B3GALT1: variants seen among roughly 807,000 people sequenced by gnomAD.
B3GALT1 encodes beta-1,3-galactosyltransferase 1.
Under a neutral mutation model 23.2 loss-of-function variants are expected in B3GALT1, and 10 were observed. The ratio of observed to expected loss-of-function variants is 0.43; its 90% CI spans 0.27 to 0.73. The LOEUF is 0.73. Among genes scored for constraint, B3GALT1 ranks in the 30% least tolerant of loss-of-function variants. B3GALT1 has a pLI of 0.21. For missense variants in B3GALT1, 299 were observed against 405.4 expected (o/e 0.74, Z 2.25); for synonymous variants, 156 against 141.5 (o/e 1.10, Z -0.73).
intron 3 of B3GALT1, among the ~76,000 whole-genome samples, chr2:167,671,850 G>GT (rs903011223): frequency 1.3e-5 from 2 of 151,980 alleles, no homozygotes; most frequent in African/African-American, 2.4e-5. Context: ...CTAAAAGTTG[G>GT]TTTTTTGAAA....
intron 1 of B3GALT1, among the ~76,000 whole-genome samples, chr2:167,422,194 TTCTCTCTCTCTG>T (rs1698557869): frequency 6.6e-6 from 1 of 151,294 alleles, no homozygotes; most frequent in South Asian, 2.1e-4. Context: ...TAAGAGAGCA[TTCTCTCTCTCTG>T]TCTCTCTCTC....
chr2:167,654,757 A>C (rs1362562985), intron 3 of B3GALT1, among the ~76,000 whole-genome samples: 3 of 151,226 alleles, frequency 2.0e-5, no homozygotes, highest in Non-Finnish European at 4.4e-5. Flanking sequence ...CAGCCTCCCG[A>C]AATGCTGAAA....
intron 3 of B3GALT1, among the ~76,000 whole-genome samples, chr2:167,755,949 T>C (rs1296043081): frequency 6.6e-6 from 1 of 152,116 alleles, no homozygotes; most frequent in Admixed American, 6.6e-5. Flanking sequence ...CACTCCAGCC[T>C]GGGCAACAGA....
At chr2:167,543,969 G>C (rs984356046) in intron 2 of B3GALT1, among the ~76,000 whole-genome samples, 6 of 152,194 alleles carry the variant, frequency 3.9e-5, no homozygotes, top group Non-Finnish European at 8.8e-5. Context: ...GCTCGATTCA[G>C]CTCTCCTTAG....
At chr2:167,518,950 A>G (rs1700143081) in intron 2 of B3GALT1, among the ~76,000 whole-genome samples, 1 of 152,194 alleles carries the variant, frequency 6.6e-6, no homozygotes, top group African/African-American at 2.4e-5. Context: ...CGTGGAAGAA[A>G]ACCATTCAAA....
chr2:167,631,215 G>A (rs1035135086), intron 2 of B3GALT1, among the ~76,000 whole-genome samples: 2 of 151,608 alleles, frequency 1.3e-5, no homozygotes, highest in Non-Finnish European at 2.9e-5. Flanking sequence ...GAATAAACAG[G>A]GCATCATGTT....
At chr2:167,838,675 T>C (rs1425532744) in intron 4 of B3GALT1, among the ~76,000 whole-genome samples, 1 of 152,282 alleles carries the variant, frequency 6.6e-6, no homozygotes, top group African/African-American at 2.4e-5. Flanking sequence ...TAACTCATTT[T>C]ATGAGGCCAG....
chr2:167,424,359 A>G (rs976373567), intron 1 of B3GALT1, among the ~76,000 whole-genome samples: 1 of 152,240 alleles, frequency 6.6e-6, no homozygotes, highest in African/African-American at 2.4e-5. Context: ...GGTGCTGACA[A>G]TAATGTAATT....
At chr2:167,364,419 A>G (rs1028481011) in intron 1 of B3GALT1, among the ~76,000 whole-genome samples, 12 of 151,846 alleles carry the variant, frequency 7.9e-5, no homozygotes, top group African/African-American at 2.4e-4. Flanking sequence ...ATATGTATAC[A>G]TGTGCCATGT....
chr2:167,664,488 A>G (rs967759134), intron 3 of B3GALT1, among the ~76,000 whole-genome samples: 4 of 152,172 alleles, frequency 2.6e-5, no homozygotes, highest in Non-Finnish European at 4.4e-5. Context: ...GTTTTTTCCA[A>G]TTCTGTGAAG....
intron 4 of B3GALT1, among the ~76,000 whole-genome samples, chr2:167,867,156 G>C (rs1219648829): frequency 6.6e-6 from 1 of 152,138 alleles, no homozygotes; most frequent in Non-Finnish European, 1.5e-5. Context: ...TCGATCTCCT[G>C]ACCTCGTGAT....
intron 2 of B3GALT1, among the ~76,000 whole-genome samples, chr2:167,642,086 T>C (rs1685662110): frequency 6.6e-6 from 1 of 152,214 alleles, no homozygotes; most frequent in South Asian, 2.1e-4. Flanking sequence ...GGTTGACAGA[T>C]AGCTGTGAGC....
chr2:167,579,559 A>T (rs1302885686), intron 2 of B3GALT1, among the ~76,000 whole-genome samples: 2 of 151,332 alleles, frequency 1.3e-5, no homozygotes, highest in African/African-American at 4.9e-5. Context: ...GGTCGCTGAC[A>T]CTCAATGAGG....
chr2:167,561,851 A>G (rs1350224761), intron 2 of B3GALT1, among the ~76,000 whole-genome samples: 1 of 152,234 alleles, frequency 6.6e-6, no homozygotes, highest in Non-Finnish European at 1.5e-5. Context: ...GACCAGATGG[A>G]TTCACAGCCA....
intron 1 of B3GALT1, among the ~76,000 whole-genome samples, chr2:167,360,612 A>G (rs921813828): frequency 6.6e-6 from 1 of 152,200 alleles, no homozygotes; most frequent in African/African-American, 2.4e-5. Flanking sequence ...TTATTGATAT[A>G]TAATAGTTCT....
intron 1 of B3GALT1, among the ~76,000 whole-genome samples, chr2:167,459,231 G>A (rs1011995227): frequency 6.6e-6 from 1 of 151,780 alleles, no homozygotes; most frequent in African/African-American, 2.4e-5. Context: ...TTGATTTTTT[G>A]TAGTGAAGTG....
intron 1 of B3GALT1, among the ~76,000 whole-genome samples, chr2:167,339,792 A>C (rs2105246625): frequency 6.6e-6 from 1 of 152,294 alleles, no homozygotes; most frequent in South Asian, 2.1e-4. Context: ...ATTAATTACA[A>C]AAATAGCAAG....
intron 3 of B3GALT1, among the ~76,000 whole-genome samples, chr2:167,676,516 T>TACACACAC (rs34764364): frequency 0.013 from 1,860 of 145,132 alleles, 21 homozygotes; most frequent in Middle Eastern, 0.018. Context: ...TGTATGTTTA[T>TACACACAC]ACACACACAC....
Position 167,659,237 on chromosome 2 carries a change from G to GTT in B3GALT1, c.-352+12280_-352+12281dup, listed in dbSNP as rs5836155. Reference sequence around the variant, plus strand: ...AAAGCATCTTGAGCTAGTTCCATGTGTTTTTTTTTTGGTGGTGGGGAGGGG... The same window carrying GTT: ...AAAGCATCTTGAGCTAGTTCCATGTGTTTTTTTTTTTTGGTGGTGGGGAGGGG... On this transcript the variant is annotated intron_variant, in intron 3 of 4. Coordinates refer to ENST00000392690, the MANE Select transcript of B3GALT1 (RefSeq NM_020981.4). 1.4e-3 allele frequency among the ~76,000 whole-genome samples: 208 copies of GTT among 148,642 alleles called. 1 individual carries two copies. The highest frequency in any genetic ancestry group is 0.011 in the Middle Eastern group (3 of 284).
Sources: allele counts gnomAD v4.1 joint callset (sites outside exome capture counted in the v4.1 genomes callset), GRCh38; gene constraint gnomAD v4.1.1; transcripts MANE v1.5; gene names NCBI Gene and HGNC (gene_info 2026-07-23, HGNC 2026-07-21).